NAALADL2: variants seen among roughly 807,000 people sequenced by gnomAD.
The protein encoded by NAALADL2 is inactive N-acetylated-alpha-linked acidic dipeptidase-like protein 2.
In NAALADL2, 76 loss-of-function variants were observed where a neutral mutation model predicts 87.2. The ratio of observed to expected loss-of-function variants is 0.87; its 90% CI spans 0.72 to 1.05. The LOEUF (loss-of-function observed/expected upper bound fraction) is 1.05. Among genes scored for constraint, NAALADL2 ranks in the 50% least tolerant of loss-of-function variants. NAALADL2 has a pLI of 0.00. For missense variants in NAALADL2, 1,089 were observed against 945.8 expected (o/e 1.15, Z -1.99); for synonymous variants, 354 against 331.0 (o/e 1.07, Z -0.75).
chr3:175,562,591 G>C (rs4629345), intron 9 of NAALADL2, among the ~76,000 whole-genome samples: 19,627 of 151,548 alleles, frequency 0.13, 1,373 homozygotes, highest in Middle Eastern at 0.17. Context: ...TAGATTGCAA[G>C]TACAATATCA....
At chr3:175,273,533 A>G (rs1753150802) in intron 4 of NAALADL2, among the ~76,000 whole-genome samples, 1 of 152,126 alleles carries the variant, frequency 6.6e-6, no homozygotes, top group Non-Finnish European at 1.5e-5. Flanking sequence ...GAGTTTATGT[A>G]TTATACGTTC....
chr3:175,391,850 A>G (rs1194508064), intron 5 of NAALADL2, among the ~76,000 whole-genome samples: 5 of 152,140 alleles, frequency 3.3e-5, no homozygotes, highest in Non-Finnish European at 7.4e-5. Flanking sequence ...CCTGGATTAT[A>G]CTAGATGCTC....
At chr3:174,921,873 A>C (rs935872550) in intron 1 of NAALADL2, among the ~76,000 whole-genome samples, 2 of 151,560 alleles carry the variant, frequency 1.3e-5, no homozygotes, top group African/African-American at 4.8e-5. Flanking sequence ...AAGGTGCAAA[A>C]TCCATTTGGC....
At chr3:175,313,805 C>T (rs1758689287) in intron 4 of NAALADL2, among the ~76,000 whole-genome samples, 1 of 152,074 alleles carries the variant, frequency 6.6e-6, no homozygotes, top group African/African-American at 2.4e-5. Context: ...TGGCTCACAC[C>T]TGTAATCCCA....
At chr3:175,178,106 T>G (rs140320647) in intron 2 of NAALADL2, among the ~76,000 whole-genome samples, 384 of 152,140 alleles carry the variant, frequency 2.5e-3, no homozygotes, top group African/African-American at 9.0e-3. Context: ...ACCATTCTGC[T>G]CCTCAGTTGT....
chr3:174,933,213 A>G (rs554061370), intron 1 of NAALADL2, among the ~76,000 whole-genome samples: 1 of 152,304 alleles, frequency 6.6e-6, no homozygotes, highest in Admixed American at 6.5e-5. Context: ...TTTATACTGA[A>G]TAATAAAGTA....
intron 11 of NAALADL2, among the ~76,000 whole-genome samples, chr3:175,680,995 C>T (rs2149881257): frequency 6.6e-6 from 1 of 152,194 alleles, no homozygotes; most frequent in South Asian, 2.1e-4. Context: ...CACCTGTAGT[C>T]CCATCTACTC....
At chr3:175,050,018 C>A (rs1755167897) in intron 1 of NAALADL2, among the ~76,000 whole-genome samples, 1 of 152,150 alleles carries the variant, frequency 6.6e-6, no homozygotes, top group Admixed American at 6.5e-5. Flanking sequence ...TCTCCAGGTA[C>A]TCTGATTACC....
At chr3:174,911,757 C>A (rs948149981) in intron 1 of NAALADL2, among the ~76,000 whole-genome samples, 17 of 152,090 alleles carry the variant, frequency 1.1e-4, no homozygotes, top group Non-Finnish European at 2.9e-5. Flanking sequence ...CTTTTTTAAA[C>A]TGGTAATATC....
At chr3:175,605,361 G>A (rs1178917135) in intron 10 of NAALADL2, among the ~76,000 whole-genome samples, 1 of 103,300 alleles carries the variant, frequency 9.7e-6, no homozygotes, top group Admixed American at 1.2e-4. Flanking sequence ...ATATGGATGG[G>A]AAAGATTTTA....
intron 1 of NAALADL2, among the ~76,000 whole-genome samples, chr3:174,907,737 A>G (rs1190114079): frequency 6.6e-6 from 1 of 152,002 alleles, no homozygotes; most frequent in African/African-American, 2.4e-5. Context: ...CATAATTCAG[A>G]TTGTATTGTG....
At chr3:175,363,753 G>A (rs760103917) in intron 5 of NAALADL2, among the ~76,000 whole-genome samples, 5 of 147,740 alleles carry the variant, frequency 3.4e-5, no homozygotes, top group Non-Finnish European at 6.0e-5. Context: ...TTAATGAACT[G>A]GAAAATCTGT....
intron 4 of NAALADL2, among the ~76,000 whole-genome samples, chr3:175,284,267 T>A (rs1231386277): frequency 6.6e-6 from 1 of 151,312 alleles, no homozygotes; most frequent in East Asian, 1.9e-4. Context: ...GGTATAAGGA[T>A]GGCTTAGGCT....
chr3:174,974,957 A>C (rs1018554263), intron 1 of NAALADL2, among the ~76,000 whole-genome samples: 2 of 152,098 alleles, frequency 1.3e-5, no homozygotes, highest in African/African-American at 4.8e-5. Context: ...ACTATTTTTG[A>C]AATTTTGCTA....
chr3:175,308,320 C>T (rs564364493), intron 4 of NAALADL2, among the ~76,000 whole-genome samples: 16 of 152,110 alleles, frequency 1.1e-4, no homozygotes, highest in South Asian at 2.1e-4. Context: ...GAGAGCTGTA[C>T]GTCTAAGTAT....
rs1392564509 is a variant in NAALADL2 at position 174,882,771 on chromosome 3, G to GTA, written c.43+23328_43+23329dup. 5.6e-4 allele frequency among the ~76,000 whole-genome samples: 74 copies of GTA among 131,498 alleles called. No individual in the cohort carries two copies. The Admixed American group carries it at 6.2e-3, about 11-fold the overall frequency. The allele number at this position is 131,498 out of a possible 152,430, so 86.3% of individuals were successfully genotyped here. ...TACACACGTGTATATATACACACGTGTATATATACATATGTGTATATATAC... is the reference window on the plus strand; with the variant it reads ...TACACACGTGTATATATACACACGTGTATATATATACATATGTGTATATATAC... On this transcript the variant is annotated intron_variant, in intron 1 of 13. Transcript: ENST00000454872.
chr3:174,652,337 A>G (rs529570966), intron 2 of NAALADL2, among the ~76,000 whole-genome samples: 5 of 152,148 alleles, frequency 3.3e-5, no homozygotes, highest in East Asian at 1.9e-4. Flanking sequence ...TAAATGGGAC[A>G]CTGAAAACAC....
At chr3:175,560,975 G>A (rs1238593078) in intron 9 of NAALADL2, among the ~76,000 whole-genome samples, 1 of 152,124 alleles carries the variant, frequency 6.6e-6, no homozygotes, top group East Asian at 1.9e-4. Flanking sequence ...AAAGTAAGGC[G>A]AGACGACAGA....
intron 1 of NAALADL2, among the ~76,000 whole-genome samples, chr3:175,018,109 A>G (rs754804162): frequency 2.9e-4 from 44 of 152,074 alleles, no homozygotes; most frequent in Admixed American, 1.3e-4. Context: ...CATTGTAAAT[A>G]CTGACTAAAG....
Sources: gnomAD v4.1 joint callset for allele counts (sites outside exome capture counted in the v4.1 genomes callset) on GRCh38, gnomAD v4.1.1 for gene constraint, MANE v1.5 for transcripts, NCBI Gene and HGNC (gene_info 2026-07-23, HGNC 2026-07-21) for gene names.